CGREF1: variants seen among roughly 807,000 people sequenced by gnomAD.
CGREF1 encodes cell growth regulator with EF-hand domain 1.
In CGREF1, 16 loss-of-function variants were observed where a neutral mutation model predicts 17.4. The observed-to-expected ratio is 0.92, with a 90% confidence interval of 0.62 to 1.40. CGREF1 has a LOEUF of 1.40. Ranked by LOEUF, CGREF1 falls within the 40% of genes most tolerant of loss-of-function variation. The pLI is 0.00. For synonymous variants in CGREF1, 142 were observed against 154.6 expected, an observed-to-expected ratio of 0.92 and a Z score of 0.61; for missense variants, 296 against 376.4, an observed-to-expected ratio of 0.79 and a Z score of 1.77.
chr2:27,118,048 G>A (rs545892641), intron 1 of CGREF1, among the ~76,000 whole-genome samples: 1 of 152,232 alleles, frequency 6.6e-6, no homozygotes, highest in Non-Finnish European at 1.5e-5. Context: ...GAGGATAACG[G>A]TATCTGTCTC....
chr2:27,104,748 G>T (rs1448324350), intron 1 of CGREF1: 12 of 1,503,092 alleles, frequency 8.0e-6, no homozygotes, highest in South Asian at 2.6e-5. Context: ...AGATGGAAAG[G>T]AGCGCAGAAA....
intron 1 of CGREF1, among the ~76,000 whole-genome samples, chr2:27,115,414 A>C (rs756417680): frequency 6.6e-6 from 1 of 152,176 alleles, no homozygotes; most frequent in African/African-American, 2.4e-5. Context: ...TGTCCCTGTG[A>C]CCTTGGGTAA....
rs1453453512 is a variant in CGREF1, at chr2:27,101,328, GTTC to G, written c.900_902del (p.Lys300del). On this transcript the variant is annotated inframe_deletion, in exon 6 of 6. Coordinates refer to ENST00000402394, the MANE Select transcript of CGREF1 (RefSeq NM_006569.6). The stretch of plus-strand genomic sequence containing the variant: ...TGTGCACCTCAAAGTCATTTTGGGT[GTTC>G]TTAGACTCCAGTGTTTCCCCTGGAA... 1.9e-6 allele frequency: 3 copies of G among 1,600,740 alleles called. No homozygotes were observed. In the African/African-American group the frequency reaches 4.0e-5, roughly 22 times the overall value.
At chr2:27,117,705 A>ATTTTTTT (rs35908937) in intron 1 of CGREF1, among the ~76,000 whole-genome samples, 7 of 123,180 alleles carry the variant, frequency 5.7e-5, no homozygotes, top group Admixed American at 9.3e-5. Flanking sequence ...TGGGATCTGA[A>ATTTTTTT]TTTTTTTTTT....
chr2:27,101,631 CT>C lies in CGREF1; in HGVS notation c.599del (p.Glu200GlyfsTer122). The C allele has an allele frequency of 6.2e-7, 1 of 1,614,148 alleles. No individual in the cohort carries two copies. The highest frequency in any genetic ancestry group is 8.5e-7 in the Non-Finnish European group (1 of 1,180,026). ...EAKGQVEARR[E>X]SLDPVQEPGG... is the part of the protein sequence containing the mutation. ...CAGGCTCCTGGACAGGATCCAAAGA[CT>C]CCCTTCTGGCCTCTACCTGGCCCTT... On this transcript the variant is annotated frameshift_variant, in exon 6 of 6. Coordinates refer to ENST00000402394, the MANE Select transcript of CGREF1 (RefSeq NM_006569.6). LOFTEE classifies it low-confidence loss of function (END_TRUNC).
At chr2:27,104,853 T>C (rs1671057714) in intron 1 of CGREF1, 18 of 1,394,092 alleles carry the variant, frequency 1.3e-5, no homozygotes, top group African/African-American at 2.9e-5. Flanking sequence ...TTGTGTTTAT[T>C]AAAAACCCAC....
intron 1 of CGREF1, chr2:27,111,023 A>C (rs1398804829): frequency 6.6e-6 from 1 of 152,434 alleles, no homozygotes; most frequent in Non-Finnish European, 1.5e-5. Context: ...GAACCCAAAG[A>C]GTGAGCAGCA....
intron 2 of CGREF1, among the ~76,000 whole-genome samples, chr2:27,103,895 A>C (rs1226297071): frequency 6.6e-6 from 1 of 152,068 alleles, no homozygotes; most frequent in East Asian, 2.0e-4. Flanking sequence ...AGGCAGAAGA[A>C]TTGCTTGAAC....
chr2:27,109,786 G>A (rs1028230437), intron 1 of CGREF1, among the ~76,000 whole-genome samples: 1 of 150,626 alleles, frequency 6.6e-6, no homozygotes, highest in Admixed American at 6.6e-5. Flanking sequence ...TTGGGTGGCT[G>A]AGGCAGGATA....
At chr2:27,099,838 G>A, downstream of CGREF1, 1 of 1,558,710 alleles carries the variant, frequency 6.4e-7, no homozygotes, top group Non-Finnish European at 8.7e-7. Flanking sequence ...CGTCCAGGTT[G>A]CCCTGTTCAG....
intron 2 of CGREF1, 56 bp downstream of exon 2, chr2:27,104,231 T>A: frequency 1.3e-6 from 2 of 1,504,354 alleles, no homozygotes; most frequent in Non-Finnish European, 1.8e-6. Context: ...ACCCTTGGAT[T>A]CTCTAGAGAC....
downstream of CGREF1, chr2:27,099,982 A>C: frequency 1.1e-6 from 1 of 884,142 alleles, no homozygotes; most frequent in Non-Finnish European, 1.8e-6. Flanking sequence ...TTCTCCTCTC[A>C]ATGTCTGAAC....
chr2:27,109,592 T>C (rs1336284149), intron 1 of CGREF1, among the ~76,000 whole-genome samples: 1 of 151,938 alleles, frequency 6.6e-6, no homozygotes, highest in Non-Finnish European at 1.5e-5. Flanking sequence ...CTTTGTTAAA[T>C]ATGCATGTTA....
chr2:27,099,450 G>C (rs148627840), downstream of CGREF1: 13 of 1,613,984 alleles, frequency 8.1e-6, no homozygotes, highest in East Asian at 2.9e-4. Flanking sequence ...GGGCTGAGGA[G>C]GGCGCCGACG....
downstream of CGREF1, chr2:27,099,772 A>G: frequency 2.5e-6 from 4 of 1,612,280 alleles, no homozygotes; most frequent in Non-Finnish European, 3.4e-6. Flanking sequence ...GGCTCCTCAC[A>G]CACCATGGAG....
intron 1 of CGREF1, chr2:27,104,841 G>A (rs1671057165): frequency 2.1e-6 from 3 of 1,421,656 alleles, no homozygotes; most frequent in Admixed American, 2.9e-5. Context: ...GAAATGGACT[G>A]TTTGTGTTTA....
intron 1 of CGREF1, among the ~76,000 whole-genome samples, chr2:27,105,465 G>C (rs1447720591): frequency 6.6e-6 from 1 of 152,206 alleles, no homozygotes; most frequent in African/African-American, 2.4e-5. Flanking sequence ...GCCTTTTAAA[G>C]CTACCTTAAG....
At chr2:27,108,647 C>A (rs1166573351) in intron 1 of CGREF1, among the ~76,000 whole-genome samples, 2 of 148,112 alleles carry the variant, frequency 1.4e-5, no homozygotes, top group African/African-American at 2.4e-5. Flanking sequence ...AAAGAAAAGA[C>A]AAATCATCTC....
In CGREF1 at chr2:27,107,378, C is replaced by G. The variant is rs1467520243; in HGVS notation, c.-11-3001G>C. ...CCAGCAATTCCCCTGCCTCACCCTC[C>G]TAAGTAGCTGGGATTACAGGCATGT... On this transcript the variant is annotated intron_variant, in intron 1 of 5. Coordinates refer to ENST00000402394, the MANE Select transcript of CGREF1 (RefSeq NM_006569.6). Among the ~76,000 whole-genome samples, 5 of 152,136 alleles carry G rather than the reference C, an allele frequency of 3.3e-5. No individual in the cohort carries two copies. In the East Asian group the frequency reaches 7.8e-4, roughly 24 times the overall value.
Sources: allele counts gnomAD v4.1 joint callset (sites outside exome capture counted in the v4.1 genomes callset), GRCh38; gene constraint gnomAD v4.1.1; transcripts MANE v1.5; gene names NCBI Gene and HGNC (gene_info 2026-07-23, HGNC 2026-07-21).